The following HMCN1 variants were observed in gnomAD, a reference collection of about 807,000 sequenced individuals.
HMCN1 encodes hemicentin-1.
HMCN1 carries 321 observed loss-of-function variants against 625.9 expected under a neutral mutation model. The observed-to-expected ratio is 0.51, with a 90% confidence interval of 0.47 to 0.56. HMCN1 has a LOEUF of 0.56. HMCN1 is among the 20% of genes least tolerant of loss of function. The pLI is 0.00. For missense variants in HMCN1, 6,588 were observed against 6,887.3 expected, an observed-to-expected ratio of 0.96 and a Z score of 1.54; for synonymous variants, 2,425 against 2,417.6, an observed-to-expected ratio of 1.00 and a Z score of -0.09.
intron 1 of HMCN1, among the ~76,000 whole-genome samples, chr1:185,787,711 C>A (rs1657722943): frequency 4.6e-5 from 7 of 152,120 alleles, no homozygotes; most frequent in Admixed American, 3.9e-4. Flanking sequence ...GTATAAAGAG[C>A]AAATGCTGGA....
At chr1:185,950,036 T>C (rs371111484) in intron 11 of HMCN1, among the ~76,000 whole-genome samples, 6,405 of 148,488 alleles carry the variant, frequency 0.043, 113 homozygotes, top group African/African-American at 0.12. Context: ...CTGGTGGAAC[T>C]GCCATCAATA....
chr1:186,179,382 C>T (rs16825022), intron 104 of HMCN1, among the ~76,000 whole-genome samples: 8,258 of 152,188 alleles, frequency 0.054, 518 homozygotes, highest in African/African-American at 0.15. Flanking sequence ...GTCTATAATT[C>T]CATTTGTTTG....
intron 34 of HMCN1, 113 bp downstream of exon 34, chr1:186,018,465 T>G (rs1571724325): frequency 8.9e-7 from 1 of 1,122,550 alleles, no homozygotes; most frequent in Non-Finnish European, 1.3e-6. Flanking sequence ...TTGTGGAAGG[T>G]AGTGTAAAGG....
intron 105 of HMCN1, among the ~76,000 whole-genome samples, chr1:186,185,303 TGAA>T (rs2102676029): frequency 6.6e-6 from 1 of 152,268 alleles, no homozygotes; most frequent in Admixed American, 6.5e-5. Context: ...ACAATGAATA[TGAA>T]GAGAAATTTT....
At chr1:186,175,893 A>G (rs1652540362) in intron 103 of HMCN1, among the ~76,000 whole-genome samples, 1 of 115,280 alleles carries the variant, frequency 8.7e-6, no homozygotes, top group Admixed American at 8.2e-5. Context: ...AAAAAAAAAG[A>G]AAGAAAAGAA....
chr1:185,990,528 C>T (rs1038241763), intron 22 of HMCN1, 85 bp downstream of exon 22: 88 of 1,189,836 alleles, frequency 7.4e-5, no homozygotes, highest in Non-Finnish European at 1.0e-4. Flanking sequence ...GGTTATCAAA[C>T]GTCTCAAAAA....
Position 186,020,297 on chromosome 1 carries a change from G to A in HMCN1, c.5625+602G>A, listed in dbSNP as rs1248045790. Among the ~76,000 whole-genome samples, 3 of 151,190 alleles carry A rather than the reference G, an allele frequency of 2.0e-5. No homozygotes were observed. In the South Asian group the frequency reaches 6.2e-4, roughly 31 times the overall value. ...AGATTTCAAATCTGGATAATCTAAA[G>A]GATACATTTGAAATCAGAATTAATA... On this transcript the variant is annotated intron_variant, in intron 35 of 106. Transcript: ENST00000271588.
intron 29 of HMCN1, among the ~76,000 whole-genome samples, chr1:186,004,854 T>C (rs1653445901): frequency 6.6e-6 from 1 of 152,056 alleles, no homozygotes; most frequent in Non-Finnish European, 1.5e-5. Flanking sequence ...GAAAGCTGGC[T>C]AAAACCCAAC....
chr1:185,775,047 C>G (rs932110205), intron 1 of HMCN1, among the ~76,000 whole-genome samples: 1 of 152,042 alleles, frequency 6.6e-6, no homozygotes. Flanking sequence ...CCAAATTCAC[C>G]CACTTTTCAG....
intron 1 of HMCN1, among the ~76,000 whole-genome samples, chr1:185,836,757 A>T (rs1286615685): frequency 2.0e-5 from 3 of 152,056 alleles, no homozygotes. Context: ...CCCAACAGGT[A>T]GTTTTTCAAA....
At chr1:186,113,284 C>T (rs1006893964) in intron 72 of HMCN1, among the ~76,000 whole-genome samples, 1 of 152,180 alleles carries the variant, frequency 6.6e-6, no homozygotes, top group African/African-American at 2.4e-5. Context: ...TTTAGTTCAC[C>T]TTTATTGATG....
At chr1:185,774,829 T>C (rs1257768465) in intron 1 of HMCN1, among the ~76,000 whole-genome samples, 1 of 152,102 alleles carries the variant, frequency 6.6e-6, no homozygotes, top group African/African-American at 2.4e-5. Context: ...AAACTTAGGG[T>C]ATTGAAGAAA....
At chr1:185,954,113 A>G (rs1649444638) in intron 11 of HMCN1, among the ~76,000 whole-genome samples, 2 of 151,950 alleles carry the variant, frequency 1.3e-5, no homozygotes, top group African/African-American at 4.8e-5. Context: ...GGCAGGGCAT[A>G]TTCACTTCTT....
rs749246929 is a variant in HMCN1 at position 186,090,795 on chromosome 1, T to C, written c.9765T>C (p.Asp3255=). Residue 3255 remains aspartate, a synonymous_variant, in exon 64 of 107, where the codon GAT becomes GAC. Coordinates refer to ENST00000271588, the MANE Select transcript of HMCN1 (RefSeq NM_031935.3). The part of the protein sequence containing the change: ...PSVAGAEIPS[D]VSVLLGENVE... ...TTGCTGGTGCTGAAATTCCAAGTGATGTCAGTGTCCTTCTAGGAGAAAATG... is the reference window on the plus strand; with the variant it reads ...TTGCTGGTGCTGAAATTCCAAGTGACGTCAGTGTCCTTCTAGGAGAAAATG... The C allele has an allele frequency of 5.0e-6, 8 of 1,612,668 alleles. No individual in the cohort carries two copies. In the Admixed American group the frequency reaches 1.3e-4, roughly 27 times the overall value.
At chr1:185,773,724 G>A (rs939904921) in intron 1 of HMCN1, among the ~76,000 whole-genome samples, 1 of 152,102 alleles carries the variant, frequency 6.6e-6, no homozygotes, top group Non-Finnish European at 1.5e-5. Flanking sequence ...ATACTGCCAT[G>A]TTGAATTGCT....
chr1:186,150,613 T>A (rs1270207816), intron 93 of HMCN1, among the ~76,000 whole-genome samples: 1 of 152,154 alleles, frequency 6.6e-6, no homozygotes, highest in Non-Finnish European at 1.5e-5. Flanking sequence ...ACATTGGCAG[T>A]GGCCTAGAAG....
chr1:186,087,870 A>T, intron 60 of HMCN1, 62 bp from the exon 61 acceptor site: 8 of 1,437,108 alleles, frequency 5.6e-6, no homozygotes, highest in Non-Finnish European at 7.8e-6. Context: ...TCTAAACTCG[A>T]ACAGTATGAT....
At chr1:186,099,367 T>G (rs2102433498) in intron 68 of HMCN1, among the ~76,000 whole-genome samples, 1 of 152,142 alleles carries the variant, frequency 6.6e-6, no homozygotes, top group Admixed American at 6.6e-5. Context: ...TTCCTGTACA[T>G]CAATTCACAG....
At chr1:185,825,893 C>T (rs568084069) in intron 1 of HMCN1, among the ~76,000 whole-genome samples, 19 of 152,114 alleles carry the variant, frequency 1.2e-4, no homozygotes, top group South Asian at 8.3e-4. Flanking sequence ...TTGGAGGAGA[C>T]GAAAGAAATT....
Sources: allele counts gnomAD v4.1 joint callset (sites outside exome capture counted in the v4.1 genomes callset), GRCh38; gene constraint gnomAD v4.1.1; transcripts MANE v1.5; gene names NCBI Gene and HGNC (gene_info 2026-07-23, HGNC 2026-07-21).